Variants in LARP7 observed in about 807,000 individuals in gnomAD.
LARP7 encodes La ribonucleoprotein 7, transcriptional regulator, also known as la-related protein 7.
LARP7 carries 52 observed loss-of-function variants against 69.3 expected under a neutral mutation model. That is an observed-to-expected ratio of 0.75 (90% CI 0.60 to 0.95). The LOEUF (loss-of-function observed/expected upper bound fraction) is 0.95. Ranked by LOEUF, LARP7 falls within the 40% of genes least tolerant of loss-of-function variation. The pLI, the probability that LARP7 is intolerant of heterozygous loss-of-function variation, is 0.00. For synonymous variants in LARP7, 254 were observed against 215.9 expected, an observed-to-expected ratio of 1.18 and a Z score of -1.55; for missense variants, 733 against 673.0, an observed-to-expected ratio of 1.09 and a Z score of -0.99.
At chr4:112,640,271 C>T (rs1252764081) in intron 1 of LARP7, among the ~76,000 whole-genome samples, 1 of 152,148 alleles carries the variant, frequency 6.6e-6, no homozygotes, top group East Asian at 1.9e-4. Flanking sequence ...CACAACCTTA[C>T]AAAGAATTTG....
chr4:112,644,867 T>G lies in LARP7; in HGVS notation c.198T>G (p.Asp66Glu). 1 of 1,560,864 alleles carries G rather than the reference T, an allele frequency of 6.4e-7. No individual in the cohort carries two copies. Among genetic ancestry groups the G allele is most frequent in the Non-Finnish European group, 8.7e-7 (1 of 1,150,580 alleles). The change falls in exon 2 of 13, where the codon GAT becomes GAG. Residue 66 changes from aspartate (D) to glutamate (E), a missense_variant. Coordinates refer to ENST00000344442, the MANE Select transcript of LARP7 (RefSeq NM_016648.4). ...FLREQIEKSR[D>E]GYVDISLLVS... ...GAGAACAGATAGAAAAATCTAGAGATGGATGTAAGTTTGCTTCAGTAAAGG... is the reference window on the plus strand; with the variant it reads ...GAGAACAGATAGAAAAATCTAGAGAGGGATGTAAGTTTGCTTCAGTAAAGG...
chr4:112,645,150 T>C (rs2048128680), intron 2 of LARP7, among the ~76,000 whole-genome samples: 1 of 151,976 alleles, frequency 6.6e-6, no homozygotes, highest in Non-Finnish European at 1.5e-5. Flanking sequence ...TTTTACTGTG[T>C]TGGCCAGGCT....
Position 112,647,713 on chromosome 4 carries a change from GA to G in LARP7, c.1025del (p.Lys342ArgfsTer6). The G allele has an allele frequency of 1.9e-6, 3 of 1,544,334 alleles. No individual in the cohort carries two copies. The highest frequency in any genetic ancestry group is 1.7e-6 in the Non-Finnish European group (2 of 1,149,290). On this transcript the variant is annotated frameshift_variant, in exon 8 of 13. Transcript: ENST00000344442. LOFTEE classifies it high-confidence loss of function. ...AGATATAGAAATCTCTACTGAAGAGGAAAAGGATACTGGAGATCTAAAAGAT... is the reference window on the plus strand; with the variant it reads ...AGATATAGAAATCTCTACTGAAGAGGAAAGGATACTGGAGATCTAAAAGAT... ...NRDIEISTEE[E>X]KDTGDLKDSS...
chr4:112,656,787 C>T (rs1007623440), intron 12 of LARP7, among the ~76,000 whole-genome samples: 21 of 152,246 alleles, frequency 1.4e-4, no homozygotes, highest in African/African-American at 5.1e-4. Context: ...AAAGTGAATT[C>T]CTTCCAATTG....
chr4:112,656,865 A>G (rs990488913), intron 12 of LARP7, among the ~76,000 whole-genome samples: 2 of 152,226 alleles, frequency 1.3e-5, no homozygotes, highest in Non-Finnish European at 2.9e-5. Flanking sequence ...TTTTTAGAGA[A>G]AAAGATTTGC....
At chr4:112,648,363 C>T in intron 8 of LARP7, 1 of 534,526 alleles carries the variant, frequency 1.9e-6, no homozygotes, top group South Asian at 1.4e-5. Context: ...CTTGGAGACA[C>T]CTCCACTGAA....
rs1476100599 is a variant in LARP7, at chr4:112,644,777, A to G, written c.108A>G (p.Ala36=). 6.2e-7 allele frequency: 1 copy of G among 1,607,480 alleles called. No individual in the cohort carries two copies. Among genetic ancestry groups the G allele is most frequent in the Non-Finnish European group, 8.5e-7 (1 of 1,175,224 alleles). The change falls in exon 2 of 13, where the codon GCA becomes GCG. Residue 36 remains alanine (A), a synonymous_variant. Transcript: ENST00000344442. ...GGTCACGAGTTAAACAGGTGCTTGCAGATATTGCTAAGCAAGTGGACTTCT... is the reference window on the plus strand; with the variant it reads ...GGTCACGAGTTAAACAGGTGCTTGCGGATATTGCTAAGCAAGTGGACTTCT... The part of the protein sequence containing the change: ...KKRSRVKQVL[A]DIAKQVDFWF...
intron 1 of LARP7, among the ~76,000 whole-genome samples, chr4:112,641,231 C>G (rs2047947646): frequency 6.6e-6 from 1 of 150,632 alleles, no homozygotes; most frequent in African/African-American, 2.4e-5. Context: ...ACTAAAAATA[C>G]AAAAAAAAAT....
chr4:112,654,164 T>C lies in LARP7; in HGVS notation c.1668+5T>C, dbSNP rs767249420. On this transcript the variant is annotated splice_donor_5th_base_variant and intron_variant, in intron 12 of 12. Transcript: ENST00000344442. ...AAGAAAAGAGGCACTGAAAAGGTAA[T>C]TGATTCATTTTTGTTTTTTTAGACT... 2 of 1,609,782 alleles carry C rather than the reference T, an allele frequency of 1.2e-6. No individual in the cohort carries two copies. Among genetic ancestry groups the C allele is most frequent in the Non-Finnish European group, 1.7e-6 (2 of 1,176,398 alleles).
chr4:112,641,851 A>G (rs1281941481), intron 1 of LARP7, among the ~76,000 whole-genome samples: 1 of 152,144 alleles, frequency 6.6e-6, no homozygotes, highest in African/African-American at 2.4e-5. Flanking sequence ...ACAGTTGAAT[A>G]TTGGAATGGG....
intron 8 of LARP7, 199 bp downstream of exon 8, chr4:112,648,033 T>C (rs201912794): frequency 7.3e-5 from 49 of 668,724 alleles, no homozygotes; most frequent in Admixed American, 1.3e-4. Context: ...CACTTATTTT[T>C]GTCATGTCAC....
intron 8 of LARP7, 35 bp from the exon 9 acceptor site, chr4:112,649,500 T>G (rs1352709976): frequency 6.6e-7 from 1 of 1,513,062 alleles, no homozygotes; most frequent in Non-Finnish European, 8.9e-7. Flanking sequence ...CTTTTTATAT[T>G]TAGTCATCTG....
intron 1 of LARP7, 52 bp from the exon 2 acceptor site, chr4:112,644,616 A>C: frequency 7.5e-7 from 1 of 1,338,134 alleles, no homozygotes; most frequent in South Asian, 1.3e-5. Context: ...ATTTAACTAT[A>C]TTAGCTATTG....
intron 11 of LARP7, 68 bp downstream of exon 11, chr4:112,653,304 G>T: frequency 7.7e-7 from 1 of 1,306,074 alleles, no homozygotes. Context: ...TATTTTCTGA[G>T]TTTGGCTAAT....
intron 12 of LARP7, 62 bp downstream of exon 12, chr4:112,654,221 A>C: frequency 9.2e-7 from 1 of 1,084,718 alleles, no homozygotes; most frequent in Admixed American, 1.9e-5. Context: ...TGCCAAAGTC[A>C]GTACTAGGTA....
rs117514380 is a variant in LARP7 at position 112,638,256 on chromosome 4, A to G, written c.-3+1017A>G. Among the ~76,000 whole-genome samples the G allele has an allele frequency of 3.3e-3, 506 of 152,338 alleles. 14 individuals are homozygous for G. Among genetic ancestry groups the G allele is most frequent in the Admixed American group, 0.025 (389 of 15,304 alleles). Reference sequence around the variant, plus strand: ...GATTACAGTGAGCCGGGATCGCGCCACTGCACTGCAGCCTGGGCCACTGAG... The same window carrying G: ...GATTACAGTGAGCCGGGATCGCGCCGCTGCACTGCAGCCTGGGCCACTGAG... On this transcript the variant is annotated intron_variant, in intron 1 of 12. Coordinates refer to ENST00000344442, the MANE Select transcript of LARP7 (RefSeq NM_016648.4).
intron 1 of LARP7, chr4:112,637,738 C>T (rs953801462): frequency 1.3e-5 from 2 of 152,182 alleles, no homozygotes; most frequent in African/African-American, 4.8e-5. Context: ...TGCAAAGAAA[C>T]TTAAGAGAAA....
chr4:112,651,038 ATCTT>A (rs1222712330), intron 10 of LARP7, among the ~76,000 whole-genome samples: 1 of 152,158 alleles, frequency 6.6e-6, no homozygotes, highest in Admixed American at 6.5e-5. Flanking sequence ...TATACAGTCT[ATCTT>A]CTGTAGCCTT....
intron 2 of LARP7, 112 bp from the exon 3 acceptor site, chr4:112,646,239 G>A: frequency 1.8e-6 from 1 of 545,094 alleles, no homozygotes; most frequent in East Asian, 3.4e-5. Context: ...CAAAGTACTA[G>A]GATTACAGGC....
Sources: allele counts gnomAD v4.1 joint callset (sites outside exome capture counted in the v4.1 genomes callset), GRCh38; gene constraint gnomAD v4.1.1; transcripts MANE v1.5; gene names NCBI Gene and HGNC (gene_info 2026-07-23, HGNC 2026-07-21).